SNED1: variants seen among roughly 807,000 people sequenced by gnomAD.
The protein encoded by SNED1 is sushi, nidogen and EGF-like domain-containing protein 1.
SNED1 carries 81 observed loss-of-function variants against 166.7 expected under a neutral mutation model. The observed-to-expected ratio is 0.49, with a 90% CI of 0.41 to 0.58. SNED1 has a LOEUF of 0.58. Among genes scored for constraint, SNED1 ranks in the 20% least tolerant of loss-of-function variants. SNED1 has a pLI of 0.00. For missense variants in SNED1, 1,604 were observed against 2,000.2 expected, an observed-to-expected ratio of 0.80 and a Z score of 3.78; for synonymous variants, 762 against 822.0, an observed-to-expected ratio of 0.93 and a Z score of 1.25.
rs2060666124 is a variant in SNED1 at position 241,018,448 on chromosome 2, G to A, written c.214-11836G>A. On this transcript the variant is annotated intron_variant, in intron 1 of 31. Coordinates refer to ENST00000310397, the MANE Select transcript of SNED1 (RefSeq NM_001080437.3). The surrounding 1 kb of genome is among the most constrained non-coding windows in gnomAD (Gnocchi z 5.4). ...ACCTTGCCAGGTGCTGGATTTAAGGGGCAAAGAACATTCGTTGTTCACTCA... is the reference window on the plus strand; with the variant it reads ...ACCTTGCCAGGTGCTGGATTTAAGGAGCAAAGAACATTCGTTGTTCACTCA... Among the ~76,000 whole-genome samples the A allele has an allele frequency of 1.3e-5, 2 of 152,126 alleles. No individual in the cohort carries two copies. The highest frequency in any genetic ancestry group is 2.9e-5 in the Non-Finnish European group (2 of 68,030).
chr2:241,051,745 C>G lies in SNED1; in HGVS notation c.1737C>G (p.Ala579=), dbSNP rs762920490. 1.3e-6 allele frequency: 2 copies of G among 1,488,660 alleles called. No individual in the cohort carries two copies. The highest frequency in any genetic ancestry group is 1.4e-5 in the South Asian group (1 of 74,044). 92.2% of individuals were successfully genotyped at this position (1,488,660 alleles called of 1,614,324 possible). ...RGFHGKHCEK[A]RPHLCSSGPC... is the part of the protein sequence containing the mutation. ...CTGCCTCTCTGTCCTTCCACACAGC[C>G]CGGCCACACCTGTGCAGCTCAGGGC... Residue 579 remains alanine (A), a splice_region_variant and synonymous_variant, in exon 13 of 32, where the codon GCC becomes GCG. Coordinates refer to ENST00000310397, the MANE Select transcript of SNED1 (RefSeq NM_001080437.3). The surrounding 1 kb of genome is among the most constrained non-coding windows in gnomAD (Gnocchi z 4.7).
chr2:241,088,945 A>G, intron 31 of SNED1: 1 of 221,912 alleles, frequency 4.5e-6, no homozygotes, highest in Admixed American at 5.6e-5. Context: ...CCGCCGCTAG[A>G]AAGTCGTCAC....
chr2:241,063,291 G>C (rs183505994), intron 17 of SNED1: 78 of 505,604 alleles, frequency 1.5e-4, no homozygotes, highest in African/African-American at 1.3e-3. Context: ...AGGCTCCAGG[G>C]AGGGCAAGGC....
rs550355310 is a variant in SNED1, at chr2:241,071,651, C to T, written c.3665C>T (p.Pro1222Leu). 354 of 1,572,382 alleles carry T rather than the reference C, an allele frequency of 2.3e-4. No homozygotes were observed. The highest frequency in any genetic ancestry group is 1.1e-3 in the Admixed American group (61 of 56,012). Residue 1222 changes from proline to leucine, a missense_variant, in exon 25 of 32, where the codon CCG becomes CTG. Physicochemically the swap from Pro to Leu is moderately conservative, Grantham distance 98. Around this residue, in one of 2 missense-constraint regions of SNED1, gnomAD observed 367 missense variants for 379.4 expected, o/e 0.97. Coordinates refer to ENST00000310397, the MANE Select transcript of SNED1 (RefSeq NM_001080437.3). The stretch of plus-strand genomic sequence containing the variant: ...CGGGTGCTCAAGAACAGACCGCCCC[C>T]GGCGCGCCTGCCGGAGCTGCGCCTG... Reference protein sequence around the residue: ...HPRVLKNRPPPARLPELRLLN... With the variant: ...HPRVLKNRPPLARLPELRLLN...
At chr2:241,007,739 C>CATTT (rs1424386918) in intron 1 of SNED1, among the ~76,000 whole-genome samples, 1 of 152,234 alleles carries the variant, frequency 6.6e-6, no homozygotes, top group Non-Finnish European at 1.5e-5. Flanking sequence ...ACGCCACGAG[C>CATTT]ATTTACCCAT....
At chr2:241,072,455 GC>G (rs1049162080) in intron 26 of SNED1, 1 of 355,126 alleles carries the variant, frequency 2.8e-6, no homozygotes, top group East Asian at 7.6e-5. Context: ...GCGCGACCCT[GC>G]CCCAGAGGGG....
rs1222534451 is a variant in SNED1 at position 241,073,452 on chromosome 2, G to C, written c.3916+88G>C. The C allele has an allele frequency of 1.8e-6, 2 of 1,105,206 alleles. No individual in the cohort carries two copies. Among genetic ancestry groups the C allele is most frequent in the East Asian group, 5.2e-5 (2 of 38,758 alleles). The allele number at this position is 1,105,206 out of a possible 1,614,324, so 68.5% of individuals were successfully genotyped here. ...CTGCAGGCAGGAGGGACCACCCACG[G>C]TGAGGAATCAGGAGGCACAGAGCCT... On this transcript the variant is annotated intron_variant, in intron 27 of 31. Transcript: ENST00000310397. This position sits in a 1 kb window ranked among gnomAD's most constrained non-coding sequence, Gnocchi z 6.6.
rs2062316159 is a variant in SNED1 at position 241,063,649 on chromosome 2, GC to G, written c.2436del (p.Tyr813MetfsTer55). On this transcript the variant is annotated frameshift_variant, in exon 18 of 32. Coordinates refer to ENST00000310397, the MANE Select transcript of SNED1 (RefSeq NM_001080437.3). LOFTEE classifies it high-confidence loss of function. ...NGGSCRNLPG[A>X]YVCRCPAGFV... The stretch of plus-strand genomic sequence containing the variant: ...AGGGTCCTGCAGGAACCTCCCAGGG[GC>G]CTATGTCTGCCGGTGCCCTGCAGGC... The G allele has an allele frequency of 6.2e-7, 1 of 1,612,402 alleles. No individual in the cohort carries two copies. Among genetic ancestry groups the G allele is most frequent in the African/African-American group, 1.3e-5 (1 of 74,908 alleles).
At chr2:241,088,208 A>C (rs114023701) in intron 30 of SNED1, 157 bp from the exon 31 acceptor site, 8,247 of 622,092 alleles carry the variant, frequency 0.013, 64 homozygotes, top group Middle Eastern at 0.02. Context: ...CTAAAATGCT[A>C]ATCTCCACAG....
At chr2:241,047,872 G>T (rs575904208) in intron 8 of SNED1, among the ~76,000 whole-genome samples, 5 of 151,936 alleles carry the variant, frequency 3.3e-5, no homozygotes, top group African/African-American at 9.7e-5. Context: ...CTTCTCTGGT[G>T]CTTCTTGTTC....
rs772611348 is a variant in SNED1, at chr2:241,048,310, T to TG, written c.1274-4dup. 6.3e-7 allele frequency: 1 copy of TG among 1,593,878 alleles called. No homozygotes were observed. Among genetic ancestry groups the TG allele is most frequent in the East Asian group, 2.2e-5 (1 of 44,748 alleles). Reference sequence around the variant, plus strand: ...GGCCGCTGGTGACTGCCGTCTTTCTTGCAGGAGACCATCCAGTGCCAGACG... The same window carrying TG: ...GGCCGCTGGTGACTGCCGTCTTTCTTGGCAGGAGACCATCCAGTGCCAGACG... On this transcript the variant is annotated splice_region_variant and splice_polypyrimidine_tract_variant and intron_variant, in intron 8 of 31. Coordinates refer to ENST00000310397, the MANE Select transcript of SNED1 (RefSeq NM_001080437.3).
At chr2:241,089,467 C>T in intron 31 of SNED1, 3 of 1,528,464 alleles carry the variant, frequency 2.0e-6, no homozygotes, top group Non-Finnish European at 2.6e-6. Context: ...GGAAGAGTGT[C>T]CACACCCCCT....
chr2:241,012,824 TC>T (rs1231286524), intron 1 of SNED1, among the ~76,000 whole-genome samples: 8 of 116,960 alleles, frequency 6.8e-5, no homozygotes, highest in African/African-American at 1.5e-4. Flanking sequence ...GTTTTTTTTT[TC>T]TTTTTTTTTT....
intron 1 of SNED1, among the ~76,000 whole-genome samples, chr2:241,000,553 G>T (rs957532031): frequency 6.6e-6 from 1 of 152,192 alleles, no homozygotes; most frequent in East Asian, 1.9e-4. Context: ...AACTCAAGAG[G>T]CTCCTTAAGC....
rs774491732 is a variant in SNED1 at position 241,033,756 on chromosome 2, C to T, written c.523C>T (p.Leu175Phe). 4 of 1,611,920 alleles carry T rather than the reference C, an allele frequency of 2.5e-6. No individual in the cohort carries two copies. The highest frequency in any genetic ancestry group is 2.2e-5 in the East Asian group (1 of 44,882). ...SSPVNTFQTV[L>F]ITDGKLSFTI... ...GCAGGTCAACACATTCCAGACTGTG[C>T]TCATCACAGACGGCAAGCTCTCCTT... The change falls in exon 3 of 32, where the codon CTC becomes TTC. Residue 175 changes from leucine to phenylalanine, a missense_variant. This residue lies in a region of SNED1 where 1,237 missense variants were observed against 1,620.8 expected (regional missense o/e 0.76). Transcript: ENST00000310397.
chr2:241,082,451 C>T, intron 29 of SNED1, 87 bp downstream of exon 29: 1 of 973,330 alleles, frequency 1.0e-6, no homozygotes, highest in Non-Finnish European at 1.6e-6. Context: ...CCCAGCTAAC[C>T]CTGAGGAGGG....
intron 29 of SNED1, among the ~76,000 whole-genome samples, chr2:241,084,807 G>A (rs2063503203): frequency 6.6e-6 from 1 of 151,994 alleles, no homozygotes; most frequent in Non-Finnish European, 1.5e-5. Flanking sequence ...CTATAGCACA[G>A]GTCTGCAGGA....
intron 31 of SNED1, chr2:241,089,441 G>A (rs1239198012): frequency 1.3e-6 from 2 of 1,547,226 alleles, no homozygotes; most frequent in Non-Finnish European, 1.7e-6. Flanking sequence ...TCAGATATAG[G>A]CTCACACACA....
intron 8 of SNED1, 148 bp downstream of exon 8, chr2:241,040,561 A>C: frequency 1.6e-6 from 1 of 611,684 alleles, no homozygotes; most frequent in Non-Finnish European, 2.9e-6. Context: ...CCCCCTTCCC[A>C]CTCCCCAGCG....
Sources: gnomAD v4.1 joint callset for allele counts (sites outside exome capture counted in the v4.1 genomes callset) on GRCh38, gnomAD v4.1.1 for gene constraint, gnomAD v4.1.1 regional missense constraint, Gnocchi (gnomAD v3.1) non-coding constraint, MANE v1.5 for transcripts, NCBI Gene and HGNC (gene_info 2026-07-23, HGNC 2026-07-21) for gene names.